The following ZKSCAN2 variants were observed in gnomAD, a reference collection of about 807,000 sequenced individuals.
ZKSCAN2 encodes zinc finger protein with KRAB and SCAN domains 2.
In ZKSCAN2, 38 loss-of-function variants were observed where a neutral mutation model predicts 90.5. The ratio of observed to expected loss-of-function variants is 0.42; its 90% confidence interval spans 0.32 to 0.55. The LOEUF (loss-of-function observed/expected upper bound fraction) is 0.55, where lower values mean the gene tolerates loss of function less well. Ranked by LOEUF, ZKSCAN2 falls within the 20% of genes least tolerant of loss-of-function variation. The probability of loss-of-function intolerance (pLI) is 0.11; values close to 1 mark genes in which losing one functional copy is unlikely to be tolerated. For synonymous variants in ZKSCAN2, 429 were observed against 421.6 expected (o/e 1.02, Z -0.22); for missense variants, 1,167 against 1,202.6 (o/e 0.97, Z 0.44).
chr16:25,247,367 T>G lies in ZKSCAN2; in HGVS notation c.829A>C (p.Lys277Gln). 6.2e-7 allele frequency: 1 copy of G among 1,610,118 alleles called. No homozygotes were observed. Among genetic ancestry groups the G allele is most frequent in the Non-Finnish European group, 8.5e-7 (1 of 1,179,810 alleles). ...TTTCTCTGTTCCAACCGGGTTATCT[T>G]GTTAGATGTAGACACTGCACTTCCT... ...SLGSAVSTSN[K>Q]ITRLEQRKEP... is the part of the protein sequence containing the mutation. Residue 277 changes from lysine (K) to glutamine (Q), a missense_variant, in exon 5 of 7, where the codon AAG becomes CAG. Lys to Gln is a moderately conservative substitution (Grantham distance 53, BLOSUM62 1). Transcript: ENST00000328086.
chr16:25,247,070 C>T lies in ZKSCAN2; in HGVS notation c.1126G>A (p.Ala376Thr). The T allele has an allele frequency of 1.2e-6, 2 of 1,614,206 alleles. No homozygotes were observed. Among genetic ancestry groups the T allele is most frequent in the Non-Finnish European group, 1.7e-6 (2 of 1,180,050 alleles). The change falls in exon 5 of 7, where the codon GCT becomes ACT. Residue 376 changes from alanine to threonine, a missense_variant. Physicochemically the swap from Ala to Thr is moderately conservative, Grantham distance 58. Coordinates refer to ENST00000328086, the MANE Select transcript of ZKSCAN2 (RefSeq NM_001012981.5). ...CATTCTCGCAACCATTCAGCCACAG[C>T]ACCATACACTTGGCTATTTCGGGGA... ...ACPRNSQVYG[A>T]VAEWLRECGF...
intron 2 of ZKSCAN2, among the ~76,000 whole-genome samples, chr16:25,254,727 C>T (rs1963070794): frequency 6.6e-6 from 1 of 151,864 alleles, no homozygotes; most frequent in South Asian, 2.1e-4. Context: ...TGTGTCCAGC[C>T]ATGGAGAGTT....
At chr16:25,255,027 T>A (rs1963077196) in intron 2 of ZKSCAN2, among the ~76,000 whole-genome samples, 179 bp downstream of exon 2, 1 of 151,818 alleles carries the variant, frequency 6.6e-6, no homozygotes, top group South Asian at 2.1e-4. Flanking sequence ...TCAGTTTCCA[T>A]CTTTATGATA....
chr16:25,253,657 C>T lies in ZKSCAN2; in HGVS notation c.587-620G>A, dbSNP rs151247093. Reference sequence around the variant, plus strand: ...AGCATTTATTGAGCACTATTATGCACTGGCTCCTTCATGCTGCCGCATTTA... The same window carrying T: ...AGCATTTATTGAGCACTATTATGCATTGGCTCCTTCATGCTGCCGCATTTA... On this transcript the variant is annotated intron_variant, in intron 2 of 6. Transcript: ENST00000328086. Among the ~76,000 whole-genome samples the T allele has an allele frequency of 5.9e-3, 894 of 152,388 alleles. 10 individuals carry two copies. The highest frequency in any genetic ancestry group is 0.021 in the African/African-American group (857 of 41,592).
intron 5 of ZKSCAN2, chr16:25,246,399 G>A (rs371414451): frequency 1.3e-5 from 5 of 379,366 alleles, no homozygotes; most frequent in East Asian, 4.3e-5. Flanking sequence ...CCAATTATCA[G>A]ATAATACAAG....
rs1048366116 is a variant in ZKSCAN2, at chr16:25,239,681, G to A, written c.*135C>T. 6.8e-6 allele frequency: 5 copies of A among 733,978 alleles called. No individual in the cohort carries two copies. The highest frequency in any genetic ancestry group is 1.1e-5 in the Non-Finnish European group (5 of 455,920). The allele number at this position is 733,978 out of a possible 1,614,324, so 45.5% of individuals were successfully genotyped here. Reference sequence around the variant, plus strand: ...GAAGTTAGAGGCAGAGGTGAGAACAGGATGAAAGTGTTTAGTTTATTTATA... The same window carrying A: ...GAAGTTAGAGGCAGAGGTGAGAACAAGATGAAAGTGTTTAGTTTATTTATA... On this transcript the variant is annotated 3_prime_UTR_variant, in exon 7 of 7. Transcript: ENST00000328086.
At position 25,238,099 on chromosome 16, in the gene ZKSCAN2, TA is replaced by T. The variant is rs1962796660; in HGVS notation, c.*1716del. The T allele has an allele frequency of 1.3e-5, 2 of 152,270 alleles. No homozygotes were observed. The highest frequency in any genetic ancestry group is 4.8e-5 in the African/African-American group (2 of 41,462). 9.4% of individuals were successfully genotyped at this position (152,270 alleles called of 1,614,324 possible). Reference sequence around the variant, plus strand: ...CAGGCCACACCCTATTCTGGCACCATAAATTAGATTTCTTTCTACAGTGCCT... The same window carrying T: ...CAGGCCACACCCTATTCTGGCACCATAATTAGATTTCTTTCTACAGTGCCT... On this transcript the variant is annotated 3_prime_UTR_variant, in exon 7 of 7. Transcript: ENST00000328086.
rs200532772 is a variant in ZKSCAN2, at chr16:25,257,105, T to A, written c.23A>T (p.Gln8Leu). The change falls in exon 1 of 7, where the codon CAG (glutamine) becomes CTG (leucine). Residue 8 changes from glutamine (Q) to leucine (L), a missense_variant. Coordinates refer to ENST00000328086, the MANE Select transcript of ZKSCAN2 (RefSeq NM_001012981.5). ...CTCAACCTCCAGGGGCGCGTCGATC[T>A]GAGAGTCGAGGGCGACAGCCATGCT... MAVALDS[Q>L]IDAPLEVEGC... The A allele has an allele frequency of 1.6e-4, 252 of 1,606,392 alleles. 2 individuals are homozygous for A. The East Asian group carries it at 3.6e-3, about 23-fold the overall frequency.
In ZKSCAN2 at chr16:25,240,413, G is replaced by A; in HGVS notation, c.2307C>T (p.His769=). The part of the protein sequence containing the change: ...RSTRLMCRMT[H]HKENPYKCGV... Reference sequence around the variant, plus strand: ...CACACTTGTAAGGATTCTCCTTGTGGTGGGTCATCCGGCACATCAGACGAG... The same window carrying A: ...CACACTTGTAAGGATTCTCCTTGTGATGGGTCATCCGGCACATCAGACGAG... The change falls in exon 7 of 7, where the codon CAC becomes CAT. Residue 769 remains histidine, a synonymous_variant. Coordinates refer to ENST00000328086, the MANE Select transcript of ZKSCAN2 (RefSeq NM_001012981.5). The A allele has an allele frequency of 1.2e-6, 2 of 1,614,184 alleles. No individual in the cohort carries two copies. The highest frequency in any genetic ancestry group is 1.7e-5 in the Admixed American group (1 of 60,030).
intron 4 of ZKSCAN2, among the ~76,000 whole-genome samples, chr16:25,250,353 G>T (rs1963002789): frequency 6.6e-6 from 1 of 152,086 alleles, no homozygotes; most frequent in Non-Finnish European, 1.5e-5. Context: ...ACACTTGGAG[G>T]GCATTGTGCT....
At position 25,252,035 on chromosome 16, in the gene ZKSCAN2, C is replaced by T; in HGVS notation, c.679G>A (p.Glu227Lys). 1 of 1,614,006 alleles carries T rather than the reference C, an allele frequency of 6.2e-7. No homozygotes were observed. The highest frequency in any genetic ancestry group is 8.5e-7 in the Non-Finnish European group (1 of 1,179,952). ...GCCACGTGGACATCTTTCACTGGTT[C>T]CTGTAATGACACTAACACCAATGAC... is the stretch of plus-strand genomic sequence containing the variant. Reference protein sequence around the residue: ...TTTRLPAGSQEPVKDVHVARG... With the variant: ...TTTRLPAGSQKPVKDVHVARG... The change falls in exon 4 of 7, where the codon GAA (glutamate) becomes AAA (lysine). Residue 227 changes from glutamate to lysine, a missense_variant and splice_region_variant. Transcript: ENST00000328086.
rs1342252248 is a variant in ZKSCAN2, at chr16:25,257,270, G to A, written c.-143C>T. On this transcript the variant is annotated 5_prime_UTR_variant, in exon 1 of 7. Transcript: ENST00000328086. Reference sequence around the variant, plus strand: ...AGGTCGGCAGGAACAGGGTATTCCAGGCTGATTAATCAAATCTATGCCAGG... The same window carrying A: ...AGGTCGGCAGGAACAGGGTATTCCAAGCTGATTAATCAAATCTATGCCAGG... 5 of 1,474,690 alleles carry A rather than the reference G, an allele frequency of 3.4e-6. No individual in the cohort carries two copies. Among genetic ancestry groups the A allele is most frequent in the Non-Finnish European group, 3.6e-6 (4 of 1,120,716 alleles). The allele number at this position is 1,474,690 out of a possible 1,614,324, so 91.4% of individuals were successfully genotyped here.
rs926167552 is a variant in ZKSCAN2 at position 25,257,626 on chromosome 16, G to C, written c.-499C>G. The C allele has an allele frequency of 2.0e-6, 1 of 510,052 alleles. No homozygotes were observed. The highest frequency in any genetic ancestry group is 2.1e-5 in the African/African-American group (1 of 47,898). 31.6% of individuals were successfully genotyped at this position (510,052 alleles called of 1,614,324 possible). ...GCACGTCCAGGCCGCCGCGGGTGCC[G>C]CTGGGGCCGCCGGATTCCGAGAGCG... is the stretch of plus-strand genomic sequence containing the variant. On this transcript the variant is annotated 5_prime_UTR_variant, in exon 1 of 7. Coordinates refer to ENST00000328086, the MANE Select transcript of ZKSCAN2 (RefSeq NM_001012981.5).
chr16:25,256,582 T>G (rs1963105294), intron 1 of ZKSCAN2, 147 bp downstream of exon 1: 1 of 766,890 alleles, frequency 1.3e-6, no homozygotes, highest in Non-Finnish European at 2.0e-6. Flanking sequence ...TGGATTCACT[T>G]AAAGTGAAAA....
intron 4 of ZKSCAN2, among the ~76,000 whole-genome samples, chr16:25,248,282 C>CAAAAAAA (rs55673563): frequency 2.3e-3 from 53 of 23,208 alleles, no homozygotes; most frequent in Middle Eastern, 0.036. Context: ...TTCTATACAG[C>CAAAAAAA]AAAAAAAAAA....
rs1347156684 is a variant in ZKSCAN2 at position 25,255,365 on chromosome 16, G to A, written c.427C>T (p.His143Tyr). 1.9e-6 allele frequency: 3 copies of A among 1,612,408 alleles called. No individual in the cohort carries two copies. The highest frequency in any genetic ancestry group is 2.5e-6 in the Non-Finnish European group (3 of 1,179,876). Residue 143 changes from histidine to tyrosine, a missense_variant, in exon 2 of 7, where the codon CAC (histidine) becomes TAC (tyrosine). Physicochemically the swap from His to Tyr is moderately conservative, Grantham distance 83. Coordinates refer to ENST00000328086, the MANE Select transcript of ZKSCAN2 (RefSeq NM_001012981.5). ...QVSSPVHREK[H>Y]SPLGAAWEVA... ...TCCCACGCTGCTCCAAGTGGGGAGT[G>A]CTTCTCCCGGTGCACGGGACTGCTG...
chr16:25,255,338 C>T lies in ZKSCAN2; in HGVS notation c.454G>A (p.Val152Met). The change falls in exon 2 of 7, where the codon GTG becomes ATG. Residue 152 changes from valine (V) to methionine (M), a missense_variant. Coordinates refer to ENST00000328086, the MANE Select transcript of ZKSCAN2 (RefSeq NM_001012981.5). ...ACCTGCTCTGGCTGGAAGTCTGCCA[C>T]CTCCCACGCTGCTCCAAGTGGGGAG... Reference protein sequence around the residue: ...KHSPLGAAWEVADFQPEQVET... With the variant: ...KHSPLGAAWEMADFQPEQVET... 6.2e-7 allele frequency: 1 copy of T among 1,613,560 alleles called. No individual in the cohort carries two copies. The highest frequency in any genetic ancestry group is 8.5e-7 in the Non-Finnish European group (1 of 1,179,954).
rs1429602905 is a variant in ZKSCAN2 at position 25,243,923 on chromosome 16, C to T, written c.1843G>A (p.Glu615Lys). The T allele has an allele frequency of 6.2e-7, 1 of 1,614,018 alleles. No homozygotes were observed. Among genetic ancestry groups the T allele is most frequent in the African/African-American group, 1.3e-5 (1 of 74,888 alleles). The change falls in exon 6 of 7, where the codon GAA becomes AAA. Residue 615 changes from glutamate to lysine, a missense_variant. Glu to Lys is a moderately conservative substitution (Grantham distance 56, BLOSUM62 1). Coordinates refer to ENST00000328086, the MANE Select transcript of ZKSCAN2 (RefSeq NM_001012981.5). ...ERGGIEVEPQEPTGWEPEETS... is the reference protein window; with the variant it reads ...ERGGIEVEPQKPTGWEPEETS... ...TCTTCAGGTTCCCAGCCTGTAGGTT[C>T]CTGGGGTTCAACCTCAATACCCCCT...
chr16:25,256,645 C>T (rs1010687799), intron 1 of ZKSCAN2, 84 bp downstream of exon 1: 5 of 1,441,838 alleles, frequency 3.5e-6, no homozygotes, highest in African/African-American at 1.4e-5. Context: ...CTGAAGAGCA[C>T]GTCTTTCTGC....
Sources: gnomAD v4.1 joint callset for allele counts (sites outside exome capture counted in the v4.1 genomes callset) on GRCh38, gnomAD v4.1.1 for gene constraint, MANE v1.5 for transcripts, NCBI Gene and HGNC (gene_info 2026-07-23, HGNC 2026-07-21) for gene names.